The following PHACTR2 variants were observed in gnomAD, a reference collection of about 807,000 sequenced individuals.
The protein encoded by PHACTR2 is phosphatase and actin regulator 2, also known as chromosome 6 open reading frame 56.
Under a neutral mutation model 76.0 loss-of-function variants are expected in PHACTR2, and 30 were observed. The ratio of observed to expected loss-of-function variants is 0.39; its 90% confidence interval spans 0.30 to 0.54. The LOEUF (loss-of-function observed/expected upper bound fraction) is 0.54. PHACTR2 is among the 20% of genes least tolerant of loss of function. The probability of loss-of-function intolerance (pLI) is 0.61; values close to 1 mark genes in which losing one functional copy is unlikely to be tolerated. For missense variants in PHACTR2, 696 were observed against 781.1 expected, an observed-to-expected ratio of 0.89 and a Z score of 1.30; for synonymous variants, 292 against 292.5, an observed-to-expected ratio of 1.00 and a Z score of 0.02.
At chr6:143,605,155 T>C (rs1277353521), upstream of PHACTR2, among the ~76,000 whole-genome samples, 1 of 151,744 alleles carries the variant, frequency 6.6e-6, no homozygotes, top group East Asian at 1.9e-4. The surrounding 1 kb of genome is among the most constrained non-coding windows in gnomAD (Gnocchi z 5.0). Context: ...TAGTGAGGGG[T>C]TGTGTCCTTC....
rs1305765031 is a variant in PHACTR2 at position 143,581,605 on chromosome 6, G to A, written c.217+44398G>A. Among the ~76,000 whole-genome samples, 3 of 152,106 alleles carry A rather than the reference G, an allele frequency of 2.0e-5. No individual in the cohort carries two copies. Among genetic ancestry groups the A allele is most frequent in the Admixed American group, 6.5e-5 (1 of 15,272 alleles). ...TTATCTATTGCTGCATGACAAATAC[G>A]GATCACTCAAGTCCAGGAGTTTGAG... is the stretch of plus-strand genomic sequence containing the variant. On this transcript the variant is annotated intron_variant, in intron 1 of 11. Coordinates refer to the PHACTR2 transcript ENST00000367584. This position sits in a 1 kb window ranked among gnomAD's most constrained non-coding sequence, Gnocchi z 4.5.
Position 143,682,769 on chromosome 6 carries a change from TTTTTTTG to T in PHACTR2, c.46+4581_46+4587del, listed in dbSNP as rs534086127. ...GTTCCTGATCTAACAAAAAAAGTTG[TTTTTTTG>T]TTTTTTGTTTTTTGTTTTTTTTTAC... On this transcript the variant is annotated intron_variant, in intron 1 of 12. Coordinates refer to ENST00000440869, the MANE Select transcript of PHACTR2 (RefSeq NM_001100164.2). Among the ~76,000 whole-genome samples the T allele has an allele frequency of 8.1e-3, 1,186 of 146,062 alleles. 10 individuals carry two copies. Among genetic ancestry groups the T allele is most frequent in the Non-Finnish European group, 9.6e-3 (637 of 66,292 alleles).
chr6:143,589,884 T>C lies in PHACTR2; in HGVS notation c.217+52677T>C, dbSNP rs1248333654. Among the ~76,000 whole-genome samples, 2 of 152,138 alleles carry C rather than the reference T, an allele frequency of 1.3e-5. No homozygotes were observed. Among genetic ancestry groups the C allele is most frequent in the African/African-American group, 2.4e-5 (1 of 41,432 alleles). ...TCATTCTAGAACCAGGCAAGGATAA[T>C]AGGAGAAGGGAAAATGGCAGACTAG... On this transcript the variant is annotated intron_variant, in intron 1 of 11. Coordinates refer to the PHACTR2 transcript ENST00000367584. This position sits in a 1 kb window ranked among gnomAD's most constrained non-coding sequence, Gnocchi z 4.4.
chr6:143,743,033 T>C lies in PHACTR2; in HGVS notation c.215-5952T>C, dbSNP rs1408236449. Among the ~76,000 whole-genome samples the C allele has an allele frequency of 6.6e-6, 1 of 152,220 alleles. No individual in the cohort carries two copies. Among genetic ancestry groups the C allele is most frequent in the Non-Finnish European group, 1.5e-5 (1 of 68,030 alleles). On this transcript the variant is annotated intron_variant, in intron 2 of 12. Coordinates refer to ENST00000440869, the MANE Select transcript of PHACTR2 (RefSeq NM_001100164.2). This position sits in a 1 kb window ranked among gnomAD's most constrained non-coding sequence, Gnocchi z 5.0. ...GGAAAGTAGTTGCTATCTCTCCATTTTGCAGATGAGGACGCTGAGGCACAG... is the reference window on the plus strand; with the variant it reads ...GGAAAGTAGTTGCTATCTCTCCATTCTGCAGATGAGGACGCTGAGGCACAG...
intron 1 of PHACTR2, among the ~76,000 whole-genome samples, chr6:143,660,696 A>G (rs1247316375): frequency 2.0e-5 from 3 of 152,228 alleles, no homozygotes; most frequent in African/African-American, 7.2e-5. Flanking sequence ...CAGTCCAGAC[A>G]GATGAGGAAA....
At chr6:143,759,655 G>T (rs1430749480) in intron 4 of PHACTR2, among the ~76,000 whole-genome samples, 4 of 143,350 alleles carry the variant, frequency 2.8e-5, no homozygotes, top group African/African-American at 1.0e-4. Flanking sequence ...TTTTTTTTAA[G>T]ATTTTCTTTC....
chr6:143,560,870 G>A (rs78720434), intron 1 of PHACTR2, among the ~76,000 whole-genome samples: 1,904 of 146,874 alleles, frequency 0.013, 50 homozygotes, highest in African/African-American at 0.045. Flanking sequence ...GATATAAAAT[G>A]CAAAGCAGAG....
Position 143,662,841 on chromosome 6 carries a change from G to A in PHACTR2, c.14-49175G>A, listed in dbSNP as rs1776967708. On this transcript the variant is annotated intron_variant, in intron 1 of 11. Coordinates refer to the PHACTR2 transcript ENST00000305766. This position sits in a 1 kb window ranked among gnomAD's most constrained non-coding sequence, Gnocchi z 4.7. ...CAGACAGTGAGCAGAGTACCCAATA[G>A]GTAGTTTTTCAACCCACATTCTTCT... 6.6e-6 allele frequency among the ~76,000 whole-genome samples: 1 copy of A among 152,104 alleles called. No individual in the cohort carries two copies. Among genetic ancestry groups the A allele is most frequent in the South Asian group, 2.1e-4 (1 of 4,828 alleles).
rs76531512 is a variant in PHACTR2 at position 143,611,527 on chromosome 6, A to G, written c.13+3205A>G. ...ACTGTGAACAAGTAATAGAAACTCTATGCATTTAATTTTCTCATTGGTAAG... is the reference window on the plus strand; with the variant it reads ...ACTGTGAACAAGTAATAGAAACTCTGTGCATTTAATTTTCTCATTGGTAAG... On this transcript the variant is annotated intron_variant, in intron 1 of 11. Coordinates refer to the PHACTR2 transcript ENST00000305766. The surrounding 1 kb of genome is among the most constrained non-coding windows in gnomAD (Gnocchi z 4.4). 0.035 allele frequency among the ~76,000 whole-genome samples: 5,271 copies of G among 152,238 alleles called. 312 individuals carry two copies. Among genetic ancestry groups the G allele is most frequent in the African/African-American group, 0.12 (4,967 of 41,518 alleles).
chr6:143,729,547 G>A (rs542453940), intron 2 of PHACTR2, among the ~76,000 whole-genome samples: 2 of 152,194 alleles, frequency 1.3e-5, no homozygotes, highest in Non-Finnish European at 2.9e-5. Context: ...CTGGTTTTTT[G>A]CATGTAAATG....
At position 143,689,540 on chromosome 6, in the gene PHACTR2, G is replaced by A. The variant is rs562712406; in HGVS notation, c.46+11331G>A. On this transcript the variant is annotated intron_variant, in intron 1 of 12. Coordinates refer to ENST00000440869, the MANE Select transcript of PHACTR2 (RefSeq NM_001100164.2). The surrounding 1 kb of genome is among the most constrained non-coding windows in gnomAD (Gnocchi z 4.4). ...GCATGCTCTTTGCTACCTATTGATTGATTTTTCAGCATGACACATTATCTA... is the reference window on the plus strand; with the variant it reads ...GCATGCTCTTTGCTACCTATTGATTAATTTTTCAGCATGACACATTATCTA... Among the ~76,000 whole-genome samples the A allele has an allele frequency of 1.3e-5, 2 of 152,176 alleles. No individual in the cohort carries two copies. The highest frequency in any genetic ancestry group is 2.1e-4 in the South Asian group (1 of 4,810).
chr6:143,731,573 T>A lies in PHACTR2; in HGVS notation c.215-17412T>A, dbSNP rs1778702807. Among the ~76,000 whole-genome samples the A allele has an allele frequency of 6.6e-6, 1 of 152,122 alleles. No individual in the cohort carries two copies. The highest frequency in any genetic ancestry group is 1.5e-5 in the Non-Finnish European group (1 of 67,986). On this transcript the variant is annotated intron_variant, in intron 2 of 12. Coordinates refer to ENST00000440869, the MANE Select transcript of PHACTR2 (RefSeq NM_001100164.2). The surrounding 1 kb of genome is among the most constrained non-coding windows in gnomAD (Gnocchi z 4.9). ...AAGTGCTGGGATTACAGGCATGAGC[T>A]ACGGCGCCCAGCCAGCCCCACTGTG...
In PHACTR2 at chr6:143,760,048, A is replaced by T. The variant is rs1447004562; in HGVS notation, c.455-353A>T. On this transcript the variant is annotated intron_variant, in intron 4 of 12. Coordinates refer to ENST00000440869, the MANE Select transcript of PHACTR2 (RefSeq NM_001100164.2). The surrounding 1 kb of genome is among the most constrained non-coding windows in gnomAD (Gnocchi z 6.4). ...AACTTTGTTAAATCATTGTTTGTTCAATTTAAATGTAGCACTTCATGCCCA... is the reference window on the plus strand; with the variant it reads ...AACTTTGTTAAATCATTGTTTGTTCTATTTAAATGTAGCACTTCATGCCCA... 2.0e-5 allele frequency among the ~76,000 whole-genome samples: 3 copies of T among 152,086 alleles called. No homozygotes were observed. Among genetic ancestry groups the T allele is most frequent in the Non-Finnish European group, 4.4e-5 (3 of 68,006 alleles).
At position 143,611,048 on chromosome 6, in the gene PHACTR2, G is replaced by A. The variant is rs1057002781; in HGVS notation, c.13+2726G>A. ...CTTACCTCCATCAAGTGGTTCTCGT[G>A]AATGAACTGTGATAAGACATTCAGA... On this transcript the variant is annotated intron_variant, in intron 1 of 11. Transcript: ENST00000305766. This position sits in a 1 kb window ranked among gnomAD's most constrained non-coding sequence, Gnocchi z 4.4. 2.0e-5 allele frequency among the ~76,000 whole-genome samples: 3 copies of A among 152,038 alleles called. No homozygotes were observed. The highest frequency in any genetic ancestry group is 6.5e-5 in the Admixed American group (1 of 15,270).
At chr6:143,628,975 A>T (rs1195565808) in intron 1 of PHACTR2, among the ~76,000 whole-genome samples, 1 of 116,836 alleles carries the variant, frequency 8.6e-6, no homozygotes, top group East Asian at 2.7e-4. Context: ...ATATATATAT[A>T]TATACTGCAA....
intron 1 of PHACTR2, among the ~76,000 whole-genome samples, chr6:143,670,928 CT>C (rs35247865): frequency 0.37 from 54,297 of 145,344 alleles, 10,591 homozygotes; most frequent in African/African-American, 0.55. Flanking sequence ...AGGCCAAGGC[CT>C]TTTTTTTTTT....
intron 9 of PHACTR2, among the ~76,000 whole-genome samples, chr6:143,779,912 A>G (rs1400297320): frequency 9.6e-6 from 1 of 103,894 alleles, no homozygotes; most frequent in Non-Finnish European, 2.4e-5. Context: ...ATATTATATT[A>G]TATTATATTA....
intron 1 of PHACTR2, among the ~76,000 whole-genome samples, chr6:143,702,773 C>CTTTTTTTTTTTTTTTTT (rs1190039194): frequency 1.0e-5 from 1 of 100,136 alleles, no homozygotes; most frequent in Non-Finnish European, 1.9e-5. Context: ...ATATATACAA[C>CTTTTTTTTTTTTTTTTT]TTTTTTTTTT....
intron 1 of PHACTR2, among the ~76,000 whole-genome samples, chr6:143,620,431 G>GT (rs1156452712): frequency 0.013 from 1,697 of 135,110 alleles, 20 homozygotes; most frequent in African/African-American, 0.037. Flanking sequence ...AAGAAATGAA[G>GT]TTTTTTTTTT....
Sources: gnomAD v4.1 joint callset for allele counts (sites outside exome capture counted in the v4.1 genomes callset) on GRCh38, gnomAD v4.1.1 for gene constraint, Gnocchi (gnomAD v3.1) non-coding constraint, MANE v1.5 for transcripts, NCBI Gene and HGNC (gene_info 2026-07-23, HGNC 2026-07-21) for gene names.